Variants in LRRFIP1 observed in about 807,000 individuals in gnomAD.
The protein encoded by LRRFIP1 is LRR binding FLII interacting protein 1, also known as leucine-rich repeat flightless-interacting protein 1.
In LRRFIP1, 62 loss-of-function variants were observed where a neutral mutation model predicts 104.4. That is an observed-to-expected ratio of 0.59 (90% CI 0.48 to 0.73). The LOEUF (loss-of-function observed/expected upper bound fraction) is 0.73. Ranked by LOEUF, LRRFIP1 falls within the 30% of genes least tolerant of loss-of-function variation. The probability of loss-of-function intolerance (pLI) is 0.00; values close to 1 mark genes in which losing one functional copy is unlikely to be tolerated. For missense variants in LRRFIP1, 796 were observed against 824.5 expected, an observed-to-expected ratio of 0.97 and a Z score of 0.42; for synonymous variants, 300 against 299.0, an observed-to-expected ratio of 1.00 and a Z score of -0.03.
At chr2:237,753,217 A>T (rs1333532287) in intron 14 of LRRFIP1, 92 bp from the exon 15 acceptor site, 10 of 936,020 alleles carry the variant, frequency 1.1e-5, no homozygotes, top group Non-Finnish European at 1.6e-5. Context: ...GTCTAAGTTT[A>T]GGACTGAGGG....
chr2:237,748,250 T>C lies in LRRFIP1; in HGVS notation c.634-114T>C, dbSNP rs2058132604. On this transcript the variant is annotated intron_variant, in intron 11 of 23. Transcript: ENST00000308482. ...AGTGTCCCATTTTTCTGCTTCTAAATTACAAAGGAAGCAAATGTTTTGTTT... is the reference window on the plus strand; with the variant it reads ...AGTGTCCCATTTTTCTGCTTCTAAACTACAAAGGAAGCAAATGTTTTGTTT... 3.5e-6 allele frequency: 3 copies of C among 858,414 alleles called. No homozygotes were observed. In the African/African-American group the frequency reaches 5.2e-5, roughly 15 times the overall value. 53.2% of individuals were successfully genotyped at this position (858,414 alleles called of 1,614,324 possible). A position where few individuals can be genotyped will look rare whatever the true frequency, so the allele number is the denominator to read the frequency against.
intron 23 of LRRFIP1, 145 bp downstream of exon 23, chr2:237,774,607 T>A (rs147852374): frequency 3.1e-6 from 2 of 640,968 alleles, no homozygotes; most frequent in East Asian, 5.5e-5. Context: ...AGTGCCGGTG[T>A]CTTAATAAAG....
At chr2:237,643,335 C>T (rs574456728) in intron 1 of LRRFIP1, among the ~76,000 whole-genome samples, 5 of 152,342 alleles carry the variant, frequency 3.3e-5, no homozygotes, top group Admixed American at 2.0e-4. Context: ...GGGGGTGGAG[C>T]CGGGCATTTG....
At position 237,650,150 on chromosome 2, in the gene LRRFIP1, G is replaced by A. The variant is rs182682436; in HGVS notation, c.96+22410G>A. ...GGAGAGAGGAACAAGAAGGGCAAGT[G>A]GGGAGGTTGCTGTTTTCTGTGGGGT... On this transcript the variant is annotated intron_variant, in intron 1 of 23. Transcript: ENST00000308482. 1.5e-4 allele frequency among the ~76,000 whole-genome samples: 23 copies of A among 152,124 alleles called. 1 individual carries two copies. The highest frequency in any genetic ancestry group is 1.2e-3 in the Admixed American group (18 of 15,286).
rs1467429058 is a variant in LRRFIP1 at position 237,684,664 on chromosome 2, C to T, written c.97-23880C>T. Among the ~76,000 whole-genome samples the T allele has an allele frequency of 6.6e-5, 10 of 151,404 alleles. No homozygotes were observed. The East Asian group carries it at 1.9e-3, about 29-fold the overall frequency. On this transcript the variant is annotated intron_variant, in intron 1 of 23. Coordinates refer to ENST00000308482, the MANE Select transcript of LRRFIP1 (RefSeq NM_001137550.2). ...AGCATGTATAGATTTTTTTTTTCTT[C>T]ACAGGAGAGCTGCCTTAGGAGGACT...
intron 7 of LRRFIP1, among the ~76,000 whole-genome samples, chr2:237,726,330 T>C (rs2150254513): frequency 6.6e-6 from 1 of 152,326 alleles, no homozygotes; most frequent in East Asian, 1.9e-4. Context: ...TGAATCTGGA[T>C]TTATAATCTG....
At chr2:237,745,219 G>A (rs1288399677) in intron 11 of LRRFIP1, among the ~76,000 whole-genome samples, 1 of 152,208 alleles carries the variant, frequency 6.6e-6, no homozygotes, top group African/African-American at 2.4e-5. Context: ...GTGGGGCTGC[G>A]TGGCTTTCCA....
At chr2:237,744,502 T>TCAC (rs1250902088) in intron 11 of LRRFIP1, among the ~76,000 whole-genome samples, 6 of 152,194 alleles carry the variant, frequency 3.9e-5, no homozygotes, top group African/African-American at 1.2e-4. Flanking sequence ...GCATCGTGTG[T>TCAC]ACAGGAGCCT....
Position 237,748,410 on chromosome 2 carries a change from G to T in LRRFIP1, c.669+11G>T. The T allele has an allele frequency of 1.3e-6, 2 of 1,598,996 alleles. No homozygotes were observed. Among genetic ancestry groups the T allele is most frequent in the Non-Finnish European group, 8.5e-7 (1 of 1,175,248 alleles). ...GATTTTACTGAGAAGGTAAGGAATC[G>T]TTCATAAACCTAGAGGGTCCCAAAA... On this transcript the variant is annotated intron_variant, in intron 12 of 23. Transcript: ENST00000308482.
At chr2:237,768,077 A>G (rs891756978) in intron 19 of LRRFIP1, 1 of 152,240 alleles carries the variant, frequency 6.6e-6, no homozygotes, top group African/African-American at 2.4e-5. Context: ...CTATAAGTCT[A>G]CCGGTGATGT....
chr2:237,740,093 C>T (rs760398661), intron 11 of LRRFIP1, among the ~76,000 whole-genome samples: 1 of 151,998 alleles, frequency 6.6e-6, no homozygotes, highest in Non-Finnish European at 1.5e-5. Flanking sequence ...CTTCCCTGTT[C>T]GTCTCCACTC....
At chr2:237,740,637 T>C (rs1341648551) in intron 11 of LRRFIP1, among the ~76,000 whole-genome samples, 2 of 152,150 alleles carry the variant, frequency 1.3e-5, no homozygotes, top group Non-Finnish European at 2.9e-5. Flanking sequence ...TTTGTTTGTG[T>C]TTTAAATTAG....
chr2:237,769,993 G>C lies in LRRFIP1; in HGVS notation c.1509+1G>C. On this transcript the variant is annotated splice_donor_variant, in intron 20 of 23. Coordinates refer to ENST00000308482, the MANE Select transcript of LRRFIP1 (RefSeq NM_001137550.2). LOFTEE classifies it high-confidence loss of function. ...TGAACGGGAATGCTTATTGGAACAGGTAACAATCTTTTTATTACTTTACCG... is the reference window on the plus strand; with the variant it reads ...TGAACGGGAATGCTTATTGGAACAGCTAACAATCTTTTTATTACTTTACCG... The C allele has an allele frequency of 6.2e-7, 1 of 1,601,598 alleles. No homozygotes were observed. The highest frequency in any genetic ancestry group is 8.5e-7 in the Non-Finnish European group (1 of 1,173,122).
Position 237,717,952 on chromosome 2 carries a change from A to G in LRRFIP1, c.249+143A>G. 1 of 761,878 alleles carries G rather than the reference A, an allele frequency of 1.3e-6. No individual in the cohort carries two copies. Among genetic ancestry groups the G allele is most frequent in the Non-Finnish European group, 2.3e-6 (1 of 427,720 alleles). The allele number at this position is 761,878 out of a possible 1,614,324, so 47.2% of individuals were successfully genotyped here. A position where few individuals can be genotyped will look rare whatever the true frequency, so the allele number is the denominator to read the frequency against. ...TTGCACCATAATTTAATACTGAGAG[A>G]TTTTCTTCCGGGGATTTCTGCATCT... On this transcript the variant is annotated intron_variant, in intron 4 of 23. Coordinates refer to ENST00000308482, the MANE Select transcript of LRRFIP1 (RefSeq NM_001137550.2). This position sits in a 1 kb window ranked among gnomAD's most constrained non-coding sequence, Gnocchi z 4.2.
At chr2:237,767,886 A>T (rs911198037) in intron 19 of LRRFIP1, among the ~76,000 whole-genome samples, 1 of 152,230 alleles carries the variant, frequency 6.6e-6, no homozygotes, top group Non-Finnish European at 1.5e-5. Context: ...TTGTGTGTGC[A>T]TGTATTATGT....
chr2:237,666,143 T>C (rs983532560), intron 1 of LRRFIP1, among the ~76,000 whole-genome samples: 2 of 152,224 alleles, frequency 1.3e-5, no homozygotes, highest in Non-Finnish European at 2.9e-5. Flanking sequence ...CGTGGGCTTG[T>C]TTTAAGAATT....
intron 23 of LRRFIP1, among the ~76,000 whole-genome samples, chr2:237,779,124 G>A (rs79627439): frequency 2.0e-5 from 3 of 152,120 alleles, no homozygotes; most frequent in Non-Finnish European, 1.5e-5. Context: ...TGAGGCAGGG[G>A]AATCGCTTGA....
In LRRFIP1 at chr2:237,662,913, A is replaced by G. The variant is rs556893698; in HGVS notation, c.96+35173A>G. Among the ~76,000 whole-genome samples the G allele has an allele frequency of 2.2e-3, 333 of 152,280 alleles. 1 individual carries two copies. Among genetic ancestry groups the G allele is most frequent in the African/African-American group, 7.6e-3 (314 of 41,564 alleles). Reference sequence around the variant, plus strand: ...GGCATTACCGCTCCTTTCCACGGCAATGACCCAGTGATTACTACCTCTTCC... The same window carrying G: ...GGCATTACCGCTCCTTTCCACGGCAGTGACCCAGTGATTACTACCTCTTCC... On this transcript the variant is annotated intron_variant, in intron 1 of 23. Transcript: ENST00000308482.
At chr2:237,682,323 C>G (rs528544111) in intron 1 of LRRFIP1, among the ~76,000 whole-genome samples, 1 of 152,224 alleles carries the variant, frequency 6.6e-6, no homozygotes, top group African/African-American at 2.4e-5. Flanking sequence ...TGCAGTCCTC[C>G]GGGCAGTCCT....
Sources: gnomAD v4.1 joint callset for allele counts (sites outside exome capture counted in the v4.1 genomes callset) on GRCh38, gnomAD v4.1.1 for gene constraint, Gnocchi (gnomAD v3.1) non-coding constraint, MANE v1.5 for transcripts, NCBI Gene and HGNC (gene_info 2026-07-23, HGNC 2026-07-21) for gene names.